Variants in KRT77 observed in about 807,000 individuals in gnomAD.
KRT77 encodes the protein keratin, type II cytoskeletal 1b.
In KRT77, 44 loss-of-function variants were observed where a neutral mutation model predicts 51.5. That is an observed-to-expected ratio of 0.85 (90% CI 0.67 to 1.10). KRT77 has a LOEUF of 1.10. Ranked by LOEUF, KRT77 falls within the 50% of genes least tolerant of loss-of-function variation. The pLI is 0.00. For missense variants in KRT77, 763 were observed against 743.9 expected, an observed-to-expected ratio of 1.03 and a Z score of -0.30; for synonymous variants, 293 against 302.0, an observed-to-expected ratio of 0.97 and a Z score of 0.31.
chr12:52,691,031 G>A lies in KRT77; in HGVS notation c.*134C>T, dbSNP rs1941695596. 7.7e-7 allele frequency: 1 copy of A among 1,305,176 alleles called. No individual in the cohort carries two copies. Among genetic ancestry groups the A allele is most frequent in the East Asian group, 2.3e-5 (1 of 43,048 alleles). 80.8% of individuals were successfully genotyped at this position (1,305,176 alleles called of 1,614,324 possible). A position where few individuals can be genotyped will look rare whatever the true frequency, so the allele number is the denominator to read the frequency against. The stretch of plus-strand genomic sequence containing the variant: ...TATCCACCCTGCTTCCCCCATTAGA[G>A]TCGAATTTATTGGCAAAATTGCTGA... On this transcript the variant is annotated 3_prime_UTR_variant, in exon 9 of 9. Coordinates refer to ENST00000341809, the MANE Select transcript of KRT77 (RefSeq NM_175078.3).
chr12:52,695,270 T>A (rs1381244587), intron 4 of KRT77: 3 of 163,918 alleles, frequency 1.8e-5, no homozygotes, highest in African/African-American at 7.2e-5. Context: ...GAGATACCCA[T>A]AACATAAACT....
In KRT77 at chr12:52,703,462, C is replaced by A. The variant is rs2121086673; in HGVS notation, c.-28G>T. ...TTGCTGGAGCATCCAGAGAAGCAGG[C>A]AAGAGAAAGAGCCTGGCAGGAAGGA... On this transcript the variant is annotated 5_prime_UTR_variant, in exon 1 of 9. Coordinates refer to ENST00000341809, the MANE Select transcript of KRT77 (RefSeq NM_175078.3). The A allele has an allele frequency of 6.5e-7, 1 of 1,538,388 alleles. No individual in the cohort carries two copies. The highest frequency in any genetic ancestry group is 8.8e-7 in the Non-Finnish European group (1 of 1,141,884).
At position 52,692,648 on chromosome 12, in the gene KRT77, C is replaced by T; in HGVS notation, c.1207-7G>A. ...GTGACTGCATCTGTTCAATCTGCTC[C>T]AGAGACAGTTGGAGACCATTTAATG... On this transcript the variant is annotated splice_region_variant and splice_polypyrimidine_tract_variant and intron_variant, in intron 6 of 8. Coordinates refer to ENST00000341809, the MANE Select transcript of KRT77 (RefSeq NM_175078.3). The T allele has an allele frequency of 3.2e-6, 5 of 1,568,554 alleles. 1 individual carries two copies. Among genetic ancestry groups the T allele is most frequent in the Non-Finnish European group, 4.4e-6 (5 of 1,144,772 alleles).
In KRT77 at chr12:52,691,287, C is replaced by A. The variant is rs1329955770; in HGVS notation, c.1615G>T (p.Gly539Cys). The A allele has an allele frequency of 6.2e-7, 1 of 1,600,418 alleles. No homozygotes were observed. The highest frequency in any genetic ancestry group is 1.1e-5 in the South Asian group (1 of 90,420). The change falls in exon 9 of 9, where the codon GGC becomes TGC. Residue 539 changes from glycine (G) to cysteine (C), a missense_variant. Coordinates refer to ENST00000341809, the MANE Select transcript of KRT77 (RefSeq NM_175078.3). ...CCGCCACCGCCGCCGCAGCCGCTGC[C>A]ATAACCGCCTCCACTCCTGCCTCGT... ...GARGRSGGGYGSGCGGGGGSY... is the reference protein window; with the variant it reads ...GARGRSGGGYCSGCGGGGGSY...
rs760244596 is a variant in KRT77, at chr12:52,691,275, C to A, written c.1627G>T (p.Gly543Cys). 1 of 1,600,342 alleles carries A rather than the reference C, an allele frequency of 6.2e-7. No individual in the cohort carries two copies. The highest frequency in any genetic ancestry group is 1.1e-5 in the South Asian group (1 of 90,238). ...RSGGGYGSGC[G>C]GGGGSYGGSG... ...CCTCCGTAGCTCCCGCCACCGCCGC[C>A]GCAGCCGCTGCCATAACCGCCTCCA... Residue 543 changes from glycine (G) to cysteine (C), a missense_variant, in exon 9 of 9, where the codon GGC becomes TGC. Physicochemically the swap from Gly to Cys is radical, Grantham distance 159. Coordinates refer to ENST00000341809, the MANE Select transcript of KRT77 (RefSeq NM_175078.3).
chr12:52,697,911 C>T lies in KRT77; in HGVS notation c.544-15G>A, dbSNP rs760488265. The T allele has an allele frequency of 5.3e-5, 86 of 1,608,004 alleles. No homozygotes were observed. Among genetic ancestry groups the T allele is most frequent in the Non-Finnish European group, 7.1e-5 (83 of 1,175,254 alleles). ...AGGAATCGCACCTAAGAGCAAGAGA[C>T]CCCAGTCCACCCCAGGCCATGGATC... On this transcript the variant is annotated splice_polypyrimidine_tract_variant and intron_variant, in intron 1 of 8. Transcript: ENST00000341809.
chr12:52,690,213 A>T lies in KRT77; in HGVS notation c.*952T>A, dbSNP rs1488252398. ...TCAAAAGAATGGAGCTGTCAGGAGGAAACAGGACAGAAGCAGAACTTGCTT... is the reference window on the plus strand; with the variant it reads ...TCAAAAGAATGGAGCTGTCAGGAGGTAACAGGACAGAAGCAGAACTTGCTT... On this transcript the variant is annotated 3_prime_UTR_variant, in exon 9 of 9. Coordinates refer to ENST00000341809, the MANE Select transcript of KRT77 (RefSeq NM_175078.3). The T allele has an allele frequency of 6.6e-6, 1 of 152,244 alleles. No individual in the cohort carries two copies. Among genetic ancestry groups the T allele is most frequent in the Non-Finnish European group, 1.5e-5 (1 of 68,068 alleles). 9.4% of individuals were successfully genotyped at this position (152,244 alleles called of 1,614,324 possible). A position where few individuals can be genotyped will look rare whatever the true frequency, so the allele number is the denominator to read the frequency against.
intron 1 of KRT77, among the ~76,000 whole-genome samples, chr12:52,698,774 A>C (rs1941839383): frequency 6.6e-6 from 1 of 152,260 alleles, no homozygotes; most frequent in Non-Finnish European, 1.5e-5. Flanking sequence ...TGATAGCAGC[A>C]GTGATGCTGC....
chr12:52,702,475 T>C (rs941924026), intron 1 of KRT77, among the ~76,000 whole-genome samples: 1 of 149,688 alleles, frequency 6.7e-6, no homozygotes, highest in Admixed American at 6.7e-5. Context: ...GATGGATGGA[T>C]GGACGGAAGG....
intron 1 of KRT77, among the ~76,000 whole-genome samples, chr12:52,701,455 T>C (rs678959): frequency 0.97 from 148,184 of 152,306 alleles, 72,238 homozygotes; most frequent in East Asian, 1. Context: ...TGCCACCCAG[T>C]ATGGCCTCTA....
At chr12:52,694,579 G>A (rs1941763346) in intron 5 of KRT77, 47 bp downstream of exon 5, 3 of 1,525,226 alleles carry the variant, frequency 2.0e-6, no homozygotes, top group South Asian at 2.5e-5. Flanking sequence ...AGACAATTCT[G>A]GGAAGAATCT....
rs1033923041 is a variant in KRT77, at chr12:52,698,684, G to A, written c.544-788C>T. On this transcript the variant is annotated intron_variant, in intron 1 of 8. Transcript: ENST00000341809. ...GGCGGCTGGCTGTGCAAAGTGTGCGGCTTGTCCTTGGCATGGTAATGACCA... is the reference window on the plus strand; with the variant it reads ...GGCGGCTGGCTGTGCAAAGTGTGCGACTTGTCCTTGGCATGGTAATGACCA... Among the ~76,000 whole-genome samples the A allele has an allele frequency of 2.6e-5, 4 of 152,208 alleles. No individual in the cohort carries two copies. The East Asian group carries it at 7.7e-4, about 29-fold the overall frequency.
At position 52,703,471 on chromosome 12, in the gene KRT77, G is replaced by A; in HGVS notation, c.-37C>T. The A allele has an allele frequency of 1.3e-6, 2 of 1,527,056 alleles. No homozygotes were observed. Among genetic ancestry groups the A allele is most frequent in the African/African-American group, 1.4e-5 (1 of 72,042 alleles). 94.6% of individuals were successfully genotyped at this position (1,527,056 alleles called of 1,614,324 possible). On this transcript the variant is annotated 5_prime_UTR_variant, in exon 1 of 9. Coordinates refer to ENST00000341809, the MANE Select transcript of KRT77 (RefSeq NM_175078.3). ...CATCCAGAGAAGCAGGCAAGAGAAA[G>A]AGCCTGGCAGGAAGGAGGCAGAGAC... is the stretch of plus-strand genomic sequence containing the variant.
chr12:52,691,568 T>A (rs1415578441), intron 8 of KRT77, 129 bp from the exon 9 acceptor site: 2 of 1,084,886 alleles, frequency 1.8e-6, no homozygotes, highest in African/African-American at 3.1e-5. Flanking sequence ...CCCCATACAT[T>A]GAAAATTGAA....
intron 1 of KRT77, 55 bp from the exon 2 acceptor site, chr12:52,697,951 A>T (rs902976836): frequency 6.5e-7 from 1 of 1,535,308 alleles, no homozygotes; most frequent in African/African-American, 1.4e-5. Flanking sequence ...CAGCTCCCCC[A>T]TAAGTAGGAG....
At chr12:52,692,368 C>A in intron 7 of KRT77, 53 bp downstream of exon 7, 3 of 1,591,630 alleles carry the variant, frequency 1.9e-6, no homozygotes, top group Non-Finnish European at 1.7e-6. Context: ...AGTCCCACAG[C>A]TTCATGGGTG....
rs756106631 is a variant in KRT77 at position 52,697,748 on chromosome 12, G to T, written c.692C>A (p.Ala231Glu). ...CTCCGCGTTCTGGCGCATCTGCTCCGCACTGAGCAAATCCACCTGCCTCCG... is the reference window on the plus strand; with the variant it reads ...CTCCGCGTTCTGGCGCATCTGCTCCTCACTGAGCAAATCCACCTGCCTCCG... ...DLRRQVDLLS[A>E]EQMRQNAEVR... The change falls in exon 2 of 9, where the codon GCG (alanine) becomes GAG (glutamate). Residue 231 changes from alanine to glutamate, a missense_variant. Transcript: ENST00000341809. 1 of 1,613,882 alleles carries T rather than the reference G, an allele frequency of 6.2e-7. No homozygotes were observed. The highest frequency in any genetic ancestry group is 1.3e-5 in the African/African-American group (1 of 74,904).
chr12:52,693,640 G>A (rs1345044849), intron 5 of KRT77: 4 of 150,766 alleles, frequency 2.7e-5, no homozygotes, highest in Non-Finnish European at 3.0e-5. Context: ...CTTTCAACCA[G>A]AGGCTTCACC....
In KRT77 at chr12:52,702,039, C is replaced by T. The variant is rs577803213; in HGVS notation, c.543+853G>A. ...CCTGGTCCTTCTGCCTGAAAATCCC[C>T]TCTGCCCTGAGAACCCATTTAACTC... is the stretch of plus-strand genomic sequence containing the variant. On this transcript the variant is annotated intron_variant, in intron 1 of 8. Coordinates refer to ENST00000341809, the MANE Select transcript of KRT77 (RefSeq NM_175078.3). 7.0e-4 allele frequency among the ~76,000 whole-genome samples: 107 copies of T among 152,288 alleles called. 1 individual carries two copies. The South Asian group carries it at 0.022, about 31-fold the overall frequency.
Sources: gnomAD v4.1 joint callset for allele counts (sites outside exome capture counted in the v4.1 genomes callset) on GRCh38, gnomAD v4.1.1 for gene constraint, MANE v1.5 for transcripts, NCBI Gene and HGNC (gene_info 2026-07-23, HGNC 2026-07-21) for gene names.